MUC5B: variants seen among roughly 807,000 people sequenced by gnomAD.
MUC5B encodes mucin 5B, oligomeric mucus/gel-forming, also known as mucin-5B.
In MUC5B, 116 loss-of-function variants were observed where a neutral mutation model predicts 376.9. The ratio of observed to expected loss-of-function variants is 0.31; its 90% CI spans 0.26 to 0.36. The LOEUF (loss-of-function observed/expected upper bound fraction) is 0.36, where lower values mean the gene tolerates loss of function less well. Among genes scored for constraint, MUC5B ranks in the 10% least tolerant of loss-of-function variants. The pLI, the probability that MUC5B is intolerant of heterozygous loss-of-function variation, is 1.00. For synonymous variants in MUC5B, 3,517 were observed against 3,390.9 expected (o/e 1.04, Z -1.29); for missense variants, 7,165 against 7,769.9 (o/e 0.92, Z 2.93).
At position 1,241,296 on chromosome 11, in the gene MUC5B, G is replaced by A. The variant is rs376137237; in HGVS notation, c.4416G>A (p.Pro1472=). ...AAAAGACCACCCTATGGGTGACCCCGAGCATCCGGTCGACGGCGGCCCTCA... is the reference window on the plus strand; with the variant it reads ...AAAAGACCACCCTATGGGTGACCCCAAGCATCCGGTCGACGGCGGCCCTCA... ...ATEKTTLWVT[P]SIRSTAALTS... Residue 1472 remains proline, a synonymous_variant, in exon 31 of 49, where the codon CCG becomes CCA. Transcript: ENST00000529681. 48 of 1,602,000 alleles carry A rather than the reference G, an allele frequency of 3.0e-5. No homozygotes were observed. The African/African-American group carries it at 4.3e-4, about 14-fold the overall frequency.
rs770337992 is a variant in MUC5B, at chr11:1,235,376, G to T, written c.2843G>T (p.Gly948Val). 1.2e-6 allele frequency: 2 copies of T among 1,612,450 alleles called. No individual in the cohort carries two copies. The highest frequency in any genetic ancestry group is 1.7e-6 in the Non-Finnish European group (2 of 1,179,738). ...GAGAACATCCCCTGTGGGACCACCGGCACCACCTGCTCCAAGGCCATCAAG... is the reference window on the plus strand; with the variant it reads ...GAGAACATCCCCTGTGGGACCACCGTCACCACCTGCTCCAAGGCCATCAAG... ...VTENIPCGTT[G>V]TTCSKAIKLF... is the part of the protein sequence containing the mutation. The change falls in exon 23 of 49, where the codon GGC (glycine) becomes GTC (valine). Residue 948 changes from glycine to valine, a missense_variant. Physicochemically the swap from Gly to Val is moderately radical, Grantham distance 109. This residue lies in a region of MUC5B where 530 missense variants were observed against 604.0 expected (regional missense o/e 0.88). Coordinates refer to ENST00000529681, the MANE Select transcript of MUC5B (RefSeq NM_002458.3).
At position 1,250,847 on chromosome 11, in the gene MUC5B, C is replaced by T. The variant is rs1414706529; in HGVS notation, c.13967C>T (p.Thr4656Ile). 6.2e-7 allele frequency: 1 copy of T among 1,610,432 alleles called. No homozygotes were observed. The highest frequency in any genetic ancestry group is 8.5e-7 in the Non-Finnish European group (1 of 1,178,310). The change falls in exon 31 of 49, where the codon ACC becomes ATC. Residue 4656 changes from threonine to isoleucine, a missense_variant. By Grantham distance (89) the Thr-to-Ile change is moderately conservative (BLOSUM62 -1). Transcript: ENST00000529681. ...THTARVLTTTTTTVATGSMAT... is the reference protein window; with the variant it reads ...THTARVLTTTITTVATGSMAT... Reference sequence around the variant, plus strand: ...ACCGCCAGAGTGCTGACCACCACCACCACAACTGTGGCCACTGGTTCTATG... The same window carrying T: ...ACCGCCAGAGTGCTGACCACCACCATCACAACTGTGGCCACTGGTTCTATG...
chr11:1,226,294 C>T lies in MUC5B; in HGVS notation c.199+18C>T. On this transcript the variant is annotated intron_variant, in intron 3 of 48. Coordinates refer to ENST00000529681, the MANE Select transcript of MUC5B (RefSeq NM_002458.3). ...CCTGAGCCGTAAGCAGATGCTGCCC[C>T]TGCCAGCCGGGAAGGGGGTGTTTGC... 1 of 1,550,768 alleles carries T rather than the reference C, an allele frequency of 6.4e-7. No homozygotes were observed. The highest frequency in any genetic ancestry group is 2.4e-5 in the East Asian group (1 of 40,974).
rs1387447125 is a variant in MUC5B, at chr11:1,240,291, A to T, written c.3886A>T (p.Ile1296Phe). 6.2e-7 allele frequency: 1 copy of T among 1,613,590 alleles called. No homozygotes were observed. The highest frequency in any genetic ancestry group is 8.5e-7 in the Non-Finnish European group (1 of 1,179,710). Residue 1296 changes from isoleucine (I) to phenylalanine (F), a missense_variant, in exon 30 of 49, where the codon ATC becomes TTC. Coordinates refer to ENST00000529681, the MANE Select transcript of MUC5B (RefSeq NM_002458.3). The stretch of plus-strand genomic sequence containing the variant: ...CATCTGCGGAAGCAACGGCACCATC[A>T]TCAGGAAGGCTGTGGCATGTCCTGG... ...IAICGSNGTI[I>F]RKAVACPGTP...
rs749404333 is a variant in MUC5B, at chr11:1,242,904, C to A, written c.6024C>A (p.Ala2008=). Residue 2008 remains alanine (A), a synonymous_variant, in exon 31 of 49, where the codon GCC becomes GCA. Transcript: ENST00000529681. The part of the protein sequence containing the change: ...TTTPTATMST[A]TPSSTPETAH... ...CACCCACGGCCACCATGTCCACAGC[C>A]ACACCCTCCTCCACTCCAGAGACTG... 1.1e-5 allele frequency: 17 copies of A among 1,613,672 alleles called. No individual in the cohort carries two copies. In the Admixed American group the frequency reaches 2.8e-4, roughly 27 times the overall value.
Position 1,227,154 on chromosome 11 carries a change from G to A in MUC5B, c.576+9G>A, listed in dbSNP as rs56394097. 7 of 1,606,912 alleles carry A rather than the reference G, an allele frequency of 4.4e-6. No homozygotes were observed. The highest frequency in any genetic ancestry group is 5.1e-6 in the Non-Finnish European group (6 of 1,175,640). On this transcript the variant is annotated intron_variant, in intron 5 of 48. Coordinates refer to ENST00000529681, the MANE Select transcript of MUC5B (RefSeq NM_002458.3). ...GAGAGGACAGTGCCCTGGTGAGGAAGCCCCCTCGCCCCTTGCCCCTTCAGG... is the reference window on the plus strand; with the variant it reads ...GAGAGGACAGTGCCCTGGTGAGGAAACCCCCTCGCCCCTTGCCCCTTCAGG...
chr11:1,225,778 C>T (rs745989627), intron 2 of MUC5B, 41 bp downstream of exon 2: 7 of 1,566,852 alleles, frequency 4.5e-6, no homozygotes, highest in Admixed American at 1.8e-5. Flanking sequence ...CCTGACCAGG[C>T]TGGAGGGGCT....
chr11:1,248,749 A>G lies in MUC5B; in HGVS notation c.11869A>G (p.Thr3957Ala). The change falls in exon 31 of 49, where the codon ACC becomes GCC. Residue 3957 changes from threonine (T) to alanine (A), a missense_variant. By Grantham distance (58) the Thr-to-Ala change is moderately conservative. Coordinates refer to ENST00000529681, the MANE Select transcript of MUC5B (RefSeq NM_002458.3). Reference protein sequence around the residue: ...LITTATTITATGSTTNPSSTP... With the variant: ...LITTATTITAAGSTTNPSSTP... ...CACCACGGCCACTACGATCACGGCC[A>G]CCGGCTCCACCACCAACCCCTCCTC... The G allele has an allele frequency of 6.4e-7, 1 of 1,554,120 alleles. No homozygotes were observed. Among genetic ancestry groups the G allele is most frequent in the Non-Finnish European group, 8.7e-7 (1 of 1,148,560 alleles).
chr11:1,240,037 A>G lies in MUC5B; in HGVS notation c.3729-8A>G. ...CAGGCCCTCAGCTCGCCTCTCCCCC[A>G]CCCCTAGTAACTGCACACCCAGTGG... On this transcript the variant is annotated splice_region_variant and splice_polypyrimidine_tract_variant and intron_variant, in intron 28 of 48. Transcript: ENST00000529681. The G allele has an allele frequency of 1.9e-6, 3 of 1,580,034 alleles. No homozygotes were observed. Among genetic ancestry groups the G allele is most frequent in the Non-Finnish European group, 2.6e-6 (3 of 1,162,722 alleles).
chr11:1,260,726 C>T lies in MUC5B; in HGVS notation c.17067C>T (p.Ser5689=), dbSNP rs754147077. The T allele has an allele frequency of 3.1e-6, 5 of 1,606,996 alleles. No individual in the cohort carries two copies. Among genetic ancestry groups the T allele is most frequent in the Admixed American group, 3.4e-5 (2 of 59,524 alleles). The change falls in exon 48 of 49, where the codon TCC becomes TCT. Residue 5689 remains serine, a splice_region_variant and synonymous_variant. Transcript: ENST00000529681. ...TFCEGSCPGA[S]KYSAEAQAMQ... ...GCGAGGGCTCCTGCCCCGGAGCGTC[C>T]AAGTGAGTGGGCTCCTGGCCCTGTG...
intron 27 of MUC5B, 73 bp downstream of exon 27, chr11:1,239,639 C>A: frequency 6.6e-7 from 1 of 1,514,964 alleles, no homozygotes; most frequent in South Asian, 1.3e-5. Context: ...GGCGGGGATC[C>A]CCAGGGACGC....
Position 1,246,768 on chromosome 11 carries a change from C to A in MUC5B, c.9888C>A (p.Pro3296=), listed in dbSNP as rs371120934. ...GGGCCACCGGCTCTGTGGCCACCCC[C>A]TCCTCCACCCCAGGAACAGCTCACA... The part of the protein sequence containing the change: ...TTRATGSVAT[P]SSTPGTAHTT... The change falls in exon 31 of 49, where the codon CCC becomes CCA. Residue 3296 remains proline, a synonymous_variant. Transcript: ENST00000529681. 6.8e-4 allele frequency: 1,102 copies of A among 1,610,634 alleles called. 13 individuals carry two copies. In the African/African-American group the frequency reaches 0.013, roughly 19 times the overall value.
rs1314211887 is a variant in MUC5B, at chr11:1,248,746, G to A, written c.11866G>A (p.Ala3956Thr). The change falls in exon 31 of 49, where the codon GCC becomes ACC. Residue 3956 changes from alanine (A) to threonine (T), a missense_variant. Ala to Thr is a moderately conservative substitution (Grantham distance 58). Transcript: ENST00000529681. Reference protein sequence around the residue: ...SLITTATTITATGSTTNPSST... With the variant: ...SLITTATTITTTGSTTNPSST... ...GATCACCACGGCCACTACGATCACG[G>A]CCACCGGCTCCACCACCAACCCCTC... 1.3e-6 allele frequency: 2 copies of A among 1,554,706 alleles called. No homozygotes were observed. Among genetic ancestry groups the A allele is most frequent in the Admixed American group, 3.9e-5 (2 of 51,062 alleles).
chr11:1,250,568 C>T lies in MUC5B; in HGVS notation c.13688C>T (p.Thr4563Ile), dbSNP rs543604386. The change falls in exon 31 of 49, where the codon ACA (threonine) becomes ATA (isoleucine). Residue 4563 changes from threonine (T) to isoleucine (I), a missense_variant. Around this residue, in one of 31 missense-constraint regions of MUC5B, gnomAD observed 730 missense variants for 592.7 expected, o/e 1.23. Coordinates refer to ENST00000529681, the MANE Select transcript of MUC5B (RefSeq NM_002458.3). ...ACTCCAGAGACTGTCCACACCTCCA[C>T]AGTGCTTACCGCCACGGCCACCACA... is the stretch of plus-strand genomic sequence containing the variant. ...SSTPETVHTSTVLTATATTTG... is the reference protein window; with the variant it reads ...SSTPETVHTSIVLTATATTTG... The T allele has an allele frequency of 1.4e-5, 23 of 1,613,770 alleles. No individual in the cohort carries two copies. In the African/African-American group the frequency reaches 2.5e-4, roughly 18 times the overall value.
intron 48 of MUC5B, 50 bp from the exon 49 acceptor site, chr11:1,261,339 G>C: frequency 2.7e-6 from 4 of 1,500,436 alleles, no homozygotes; most frequent in Non-Finnish European, 2.7e-6. Flanking sequence ...GCTGGGCAGA[G>C]AAACGGCGGG....
At chr11:1,256,899 C>T (rs1367002935) in intron 39 of MUC5B, 128 bp downstream of exon 39, 20 of 726,280 alleles carry the variant, frequency 2.8e-5, no homozygotes, top group Admixed American at 5.9e-5. Context: ...ACCTGTTCTG[C>T]CCCACCAGAG....
chr11:1,233,698 G>T, intron 18 of MUC5B, 95 bp from the exon 19 acceptor site: 1 of 1,259,808 alleles, frequency 7.9e-7, no homozygotes, highest in Non-Finnish European at 1.1e-6. Context: ...GGCCAGGCTG[G>T]GGAGGCCCAG....
chr11:1,232,587 TG>T, intron 16 of MUC5B, 43 bp downstream of exon 16: 1 of 1,602,512 alleles, frequency 6.2e-7, no homozygotes, highest in African/African-American at 1.3e-5. Flanking sequence ...GCAGGATGGG[TG>T]GGGGAGCCCT....
chr11:1,236,251 C>A (rs574942380), intron 23 of MUC5B, 135 bp from the exon 24 acceptor site: 22 of 798,554 alleles, frequency 2.8e-5, no homozygotes, highest in Admixed American at 6.2e-5. Context: ...ACGGACCCAG[C>A]TCACCCCTAA....
Sources: allele counts gnomAD v4.1 joint callset, GRCh38; gene constraint gnomAD v4.1.1; regional missense constraint gnomAD v4.1.1; transcripts MANE v1.5; gene names NCBI Gene and HGNC (gene_info 2026-07-23, HGNC 2026-07-21).